C9: variants seen among roughly 807,000 people sequenced by gnomAD.
C9 encodes complement component C9.
In C9, 63 loss-of-function variants were observed where a neutral mutation model predicts 65.4. The observed-to-expected ratio is 0.96, with a 90% CI of 0.79 to 1.19. The LOEUF (loss-of-function observed/expected upper bound fraction) is 1.19. Among genes scored for constraint, C9 ranks in the 50% most tolerant of loss-of-function variants. The pLI, the probability that C9 is intolerant of heterozygous loss-of-function variation, is 0.00. For missense variants in C9, 744 were observed against 670.1 expected (o/e 1.11, Z -1.22); for synonymous variants, 229 against 227.9 (o/e 1.00, Z -0.04).
intron 1 of C9, among the ~76,000 whole-genome samples, chr5:39,344,685 C>G (rs1464541213): frequency 6.6e-6 from 1 of 152,150 alleles, no homozygotes; most frequent in South Asian, 2.1e-4. Context: ...CACAAAGATA[C>G]TCCTCGAGAA....
intron 5 of C9, among the ~76,000 whole-genome samples, chr5:39,324,653 G>A (rs1753718807): frequency 6.6e-6 from 1 of 152,168 alleles, no homozygotes. Context: ...GCATAGGAAT[G>A]AAAGCTGAAT....
intron 4 of C9, among the ~76,000 whole-genome samples, chr5:39,334,506 G>T (rs374085461): frequency 4.6e-5 from 6 of 131,464 alleles, no homozygotes; most frequent in Non-Finnish European, 8.9e-5. Flanking sequence ...CAGCCACCCC[G>T]TCCGGGAGGG....
At chr5:39,319,628 C>A (rs1753631831) in intron 5 of C9, among the ~76,000 whole-genome samples, 1 of 152,194 alleles carries the variant, frequency 6.6e-6, no homozygotes, top group African/African-American at 2.4e-5. Flanking sequence ...GCTCCAGTTT[C>A]ACCCAGTGCC....
In C9 at chr5:39,306,693, C is replaced by T. The variant is rs1424273459; in HGVS notation, c.1340G>A (p.Gly447Glu). The change falls in exon 9 of 11, where the codon GGA becomes GAA. Residue 447 changes from glycine to glutamate, a missense_variant. Gly to Glu is a moderately conservative substitution (Grantham distance 98). Coordinates refer to ENST00000263408, the MANE Select transcript of C9 (RefSeq NM_001737.5). Reference sequence around the variant, plus strand: ...AAAGTCAGTCACATCAATCACGGTTCCTCGGAGAAGCTTTTCTTTCAGTTC... The same window carrying T: ...AAAGTCAGTCACATCAATCACGGTTTCTCGGAGAAGCTTTTCTTTCAGTTC... ...AFELKEKLLR[G>E]TVIDVTDFVN... 1 of 1,613,488 alleles carries T rather than the reference C, an allele frequency of 6.2e-7. No homozygotes were observed. The highest frequency in any genetic ancestry group is 8.5e-7 in the Non-Finnish European group (1 of 1,179,514).
In C9 at chr5:39,351,386, G is replaced by A. The variant is rs534487066; in HGVS notation, c.78-9190C>T. 2.6e-5 allele frequency among the ~76,000 whole-genome samples: 4 copies of A among 152,322 alleles called. No individual in the cohort carries two copies. The South Asian group carries it at 8.3e-4, about 32-fold the overall frequency. ...TTATTTTTGCAAATATCTGCAGCTG[G>A]CTGGAATTTCTCCCCAGAAAATGAG... On this transcript the variant is annotated intron_variant, in intron 1 of 10. Coordinates refer to ENST00000263408, the MANE Select transcript of C9 (RefSeq NM_001737.5).
In C9 at chr5:39,348,049, C is replaced by A. The variant is rs148102699; in HGVS notation, c.78-5853G>T. Among the ~76,000 whole-genome samples the A allele has an allele frequency of 4.9e-3, 747 of 151,558 alleles. 5 individuals are homozygous for A. The highest frequency in any genetic ancestry group is 0.017 in the African/African-American group (699 of 41,222). On this transcript the variant is annotated intron_variant, in intron 1 of 10. Coordinates refer to ENST00000263408, the MANE Select transcript of C9 (RefSeq NM_001737.5). Reference sequence around the variant, plus strand: ...ATGGATTAAAGGCTTACATGTTAGACCTAAAACCATAAAAACCTTAGAAGA... The same window carrying A: ...ATGGATTAAAGGCTTACATGTTAGAACTAAAACCATAAAAACCTTAGAAGA...
intron 5 of C9, among the ~76,000 whole-genome samples, chr5:39,330,172 C>T (rs897207460): frequency 1.3e-5 from 2 of 152,116 alleles, no homozygotes; most frequent in African/African-American, 2.4e-5. Flanking sequence ...TTCATTTTTC[C>T]CACCATATAT....
chr5:39,354,263 C>T (rs918780034), intron 1 of C9, among the ~76,000 whole-genome samples: 1 of 152,158 alleles, frequency 6.6e-6, no homozygotes, highest in Non-Finnish European at 1.5e-5. Context: ...CAGGCCACAT[C>T]AAGAGGCAAT....
In C9 at chr5:39,306,519, C is replaced by T. The variant is rs1753379781; in HGVS notation, c.1416+98G>A. 4.1e-6 allele frequency: 4 copies of T among 965,002 alleles called. No individual in the cohort carries two copies. In the East Asian group the frequency reaches 7.3e-5, roughly 18 times the overall value. The allele number at this position is 965,002 out of a possible 1,614,324, so 59.8% of individuals were successfully genotyped here. On this transcript the variant is annotated intron_variant, in intron 9 of 10. Transcript: ENST00000263408. ...AAATGGGAGTGTATCTGAATGTTCA[C>T]GTCTCTTTCAGATGAAGCTAACAGT...
chr5:39,352,833 AG>A (rs1446444314), intron 1 of C9, among the ~76,000 whole-genome samples: 14 of 144,606 alleles, frequency 9.7e-5, no homozygotes, highest in African/African-American at 3.9e-4. Flanking sequence ...ATGAAGTCTA[AG>A]TTTTTTTTTT....
intron 4 of C9, among the ~76,000 whole-genome samples, chr5:39,332,683 A>C (rs1226615849): frequency 6.6e-6 from 1 of 152,236 alleles, no homozygotes; most frequent in African/African-American, 2.4e-5. Context: ...TTACCTTGGT[A>C]CAAAAACAAA....
chr5:39,334,083 A>G (rs1753904170), intron 4 of C9, among the ~76,000 whole-genome samples: 1 of 136,528 alleles, frequency 7.3e-6, no homozygotes, highest in Non-Finnish European at 1.6e-5. Flanking sequence ...ATCGTCTGAG[A>G]TGTGAGGAGC....
intron 6 of C9, among the ~76,000 whole-genome samples, 167 bp from the exon 7 acceptor site, chr5:39,311,544 A>G (rs965698581): frequency 6.6e-6 from 1 of 152,154 alleles, no homozygotes; most frequent in Non-Finnish European, 1.5e-5. Flanking sequence ...ATCAACACCA[A>G]CTACTGATGA....
chr5:39,285,643 C>A (rs766018892), intron 10 of C9, among the ~76,000 whole-genome samples: 2 of 151,738 alleles, frequency 1.3e-5, no homozygotes, highest in African/African-American at 2.4e-5. Context: ...CAGGCAGGAT[C>A]TACCATGGCT....
chr5:39,312,175 G>T (rs1404155526), intron 6 of C9, among the ~76,000 whole-genome samples: 1 of 152,070 alleles, frequency 6.6e-6, no homozygotes, highest in East Asian at 1.9e-4. Flanking sequence ...TAAATATGCT[G>T]CTGTGTCTTC....
intron 1 of C9, among the ~76,000 whole-genome samples, chr5:39,346,355 C>T (rs2111964931): frequency 6.6e-6 from 1 of 152,296 alleles, no homozygotes; most frequent in South Asian, 2.1e-4. Context: ...ACTGATCCCA[C>T]AGAAATACAA....
intron 1 of C9, among the ~76,000 whole-genome samples, chr5:39,350,304 G>A (rs923571985): frequency 1.3e-5 from 2 of 152,172 alleles, no homozygotes; most frequent in African/African-American, 4.8e-5. Flanking sequence ...AACATGTGGG[G>A]ATTACAATTC....
chr5:39,329,395 T>C (rs1351746977), intron 5 of C9, among the ~76,000 whole-genome samples: 1 of 152,214 alleles, frequency 6.6e-6, no homozygotes, highest in Non-Finnish European at 1.5e-5. Flanking sequence ...TTTATCTCCA[T>C]GAGGTAGGCA....
At chr5:39,325,290 T>C (rs1246066178) in intron 5 of C9, among the ~76,000 whole-genome samples, 1 of 152,314 alleles carries the variant, frequency 6.6e-6, no homozygotes, top group African/African-American at 2.4e-5. Context: ...TGTCACATTC[T>C]TAACCCTTTA....
Sources: allele counts gnomAD v4.1 joint callset (sites outside exome capture counted in the v4.1 genomes callset), GRCh38; gene constraint gnomAD v4.1.1; transcripts MANE v1.5; gene names NCBI Gene and HGNC (gene_info 2026-07-23, HGNC 2026-07-21).